DGKI: variants seen among roughly 807,000 people sequenced by gnomAD.
The protein encoded by DGKI is diacylglycerol kinase iota.
A neutral mutation model predicts 147.5 loss-of-function variants in DGKI; 55 were observed. The ratio of observed to expected loss-of-function variants is 0.37; its 90% CI spans 0.30 to 0.47. DGKI has a LOEUF of 0.47. Among genes scored for constraint, DGKI ranks in the 20% least tolerant of loss-of-function variants. DGKI has a pLI of 1.00. For missense variants in DGKI, 1,007 were observed against 1,323.8 expected (o/e 0.76, Z 3.71); for synonymous variants, 469 against 477.1 (o/e 0.98, Z 0.22).
intron 7 of DGKI, 120 bp downstream of exon 7, chr7:137,623,363 G>C: frequency 1.1e-6 from 1 of 920,340 alleles, no homozygotes; most frequent in Non-Finnish European, 1.7e-6. Flanking sequence ...GATCCTATAT[G>C]AGAAAAGCAA....
At chr7:137,843,532 A>AG (rs1798613081) in intron 1 of DGKI, 1 of 537,638 alleles carries the variant, frequency 1.9e-6, no homozygotes, top group Non-Finnish European at 2.4e-6. Context: ...ATAGATAATG[A>AG]GGGGAAATCT....
intron 1 of DGKI, among the ~76,000 whole-genome samples, chr7:137,757,275 T>A (rs1489604332): frequency 6.6e-6 from 1 of 152,200 alleles, no homozygotes; most frequent in Non-Finnish European, 1.5e-5. Context: ...AACCCCTTAG[T>A]ATTTCTCAGT....
intron 24 of DGKI, 62 bp from the exon 25 acceptor site, chr7:137,467,004 A>G (rs2128927025): frequency 2.0e-6 from 3 of 1,529,942 alleles, no homozygotes; most frequent in Non-Finnish European, 2.7e-6. Flanking sequence ...CAAATTTATA[A>G]CCTTCTCTTC....
At chr7:137,464,334 G>A (rs1232684548) in intron 26 of DGKI, among the ~76,000 whole-genome samples, 1 of 151,686 alleles carries the variant, frequency 6.6e-6, no homozygotes, top group Non-Finnish European at 1.5e-5. Context: ...TTGGCAGAAT[G>A]GACTTTCTCC....
At chr7:137,423,813 T>A (rs1812673883) in intron 28 of DGKI, among the ~76,000 whole-genome samples, 2 of 152,198 alleles carry the variant, frequency 1.3e-5, no homozygotes, top group South Asian at 4.1e-4. Context: ...ATAAATAAAA[T>A]GTCAAGAGCA....
At chr7:137,664,395 A>AAAAAAAAG (rs1822560190) in intron 3 of DGKI, among the ~76,000 whole-genome samples, 1 of 138,226 alleles carries the variant, frequency 7.2e-6, no homozygotes, top group African/African-American at 3.4e-5. Flanking sequence ...AAAAAAAAAA[A>AAAAAAAAG]AAAGAAAGAA....
At chr7:137,395,764 G>A in intron 31 of DGKI, 67 bp from the exon 32 acceptor site, 1 of 1,475,702 alleles carries the variant, frequency 6.8e-7, no homozygotes, top group Non-Finnish European at 9.4e-7. Context: ...TGGGTGAGGG[G>A]AGCTGATGTA....
At chr7:137,796,279 C>A (rs1464071277) in intron 1 of DGKI, among the ~76,000 whole-genome samples, 1 of 152,132 alleles carries the variant, frequency 6.6e-6, no homozygotes, top group Non-Finnish European at 1.5e-5. Flanking sequence ...GGGTGGGTCA[C>A]CTGAGGTCAA....
chr7:137,620,033 A>G lies in DGKI; in HGVS notation c.877-93T>C, dbSNP rs945853057. 2.0e-4 allele frequency: 150 copies of G among 743,748 alleles called. No individual in the cohort carries two copies. In the African/African-American group the frequency reaches 2.3e-3, roughly 11 times the overall value. 46.1% of individuals were successfully genotyped at this position (743,748 alleles called of 1,614,324 possible). On this transcript the variant is annotated intron_variant, in intron 7 of 32. Transcript: ENST00000614521. ...TATGTACACACGCACACACACACACACACACACACACACACACACACTCAT... is the reference window on the plus strand; with the variant it reads ...TATGTACACACGCACACACACACACGCACACACACACACACACACACTCAT...
intron 1 of DGKI, among the ~76,000 whole-genome samples, chr7:137,825,779 G>C (rs1563215481): frequency 1.3e-5 from 2 of 152,218 alleles, no homozygotes; most frequent in South Asian, 2.1e-4. Flanking sequence ...CGGTGACACA[G>C]TAACAGACTT....
intron 1 of DGKI, among the ~76,000 whole-genome samples, chr7:137,750,139 C>A (rs897163822): frequency 2.0e-5 from 3 of 152,164 alleles, no homozygotes; most frequent in Non-Finnish European, 4.4e-5. Context: ...GATAAGGAGG[C>A]AAGCACCAGA....
chr7:137,799,269 T>G (rs1045761159), intron 1 of DGKI, among the ~76,000 whole-genome samples: 4 of 152,124 alleles, frequency 2.6e-5, no homozygotes, highest in African/African-American at 7.2e-5. Flanking sequence ...AAACTTACAT[T>G]TGCATAATTC....
chr7:137,622,844 A>G (rs998918957), intron 7 of DGKI, among the ~76,000 whole-genome samples: 2 of 152,220 alleles, frequency 1.3e-5, no homozygotes, highest in Non-Finnish European at 1.5e-5. Context: ...ATAAAGTGGG[A>G]AAAAAGGTAG....
At chr7:137,442,904 A>C (rs1340552002) in intron 28 of DGKI, among the ~76,000 whole-genome samples, 1 of 152,230 alleles carries the variant, frequency 6.6e-6, no homozygotes, top group African/African-American at 2.4e-5. Context: ...AGAATGTAGA[A>C]AAATATTAGG....
intron 1 of DGKI, among the ~76,000 whole-genome samples, chr7:137,799,580 T>C (rs1437305658): frequency 6.6e-6 from 1 of 152,222 alleles, no homozygotes; most frequent in East Asian, 1.9e-4. Context: ...TTATTCTGCC[T>C]AGAATTTACT....
intron 6 of DGKI, among the ~76,000 whole-genome samples, chr7:137,629,520 A>T: frequency 6.6e-6 from 1 of 152,254 alleles, no homozygotes; most frequent in Non-Finnish European, 1.5e-5. Context: ...ATGTTTGGGC[A>T]TTCCACCAGT....
chr7:137,828,549 T>G (rs1798128605), intron 1 of DGKI, among the ~76,000 whole-genome samples: 1 of 152,198 alleles, frequency 6.6e-6, no homozygotes, highest in Non-Finnish European at 1.5e-5. Context: ...CTTCTAAAGC[T>G]TCTCTCCTTT....
intron 1 of DGKI, among the ~76,000 whole-genome samples, chr7:137,808,653 T>G (rs998199428): frequency 6.6e-6 from 1 of 152,020 alleles, no homozygotes; most frequent in East Asian, 1.9e-4. Context: ...CAACATGCCA[T>G]GAGAGGAGAC....
chr7:137,525,388 T>C (rs868727104), intron 20 of DGKI, among the ~76,000 whole-genome samples: 36 of 152,296 alleles, frequency 2.4e-4, no homozygotes, highest in Admixed American at 8.5e-4. Context: ...TATCAAAAGA[T>C]GTCCCAGTTG....
Sources: allele counts gnomAD v4.1 joint callset (sites outside exome capture counted in the v4.1 genomes callset), GRCh38; gene constraint gnomAD v4.1.1; transcripts MANE v1.5; gene names NCBI Gene and HGNC (gene_info 2026-07-23, HGNC 2026-07-21).